Variants in FILIP1L observed in about 807,000 individuals in gnomAD.
FILIP1L encodes the protein filamin A interacting protein 1 like.
Under a neutral mutation model 96.6 loss-of-function variants are expected in FILIP1L, and 55 were observed. The observed-to-expected ratio is 0.57, with a 90% CI of 0.46 to 0.71. The LOEUF is 0.71. FILIP1L is among the 30% of genes least tolerant of loss of function. The pLI, the probability that FILIP1L is intolerant of heterozygous loss-of-function variation, is 0.00. For synonymous variants in FILIP1L, 467 were observed against 473.9 expected, an observed-to-expected ratio of 0.99 and a Z score of 0.19; for missense variants, 1,304 against 1,321.2, an observed-to-expected ratio of 0.99 and a Z score of 0.20.
chr3:100,062,958 C>T (rs2065599499), intron 1 of FILIP1L, among the ~76,000 whole-genome samples: 1 of 152,152 alleles, frequency 6.6e-6, no homozygotes, highest in Non-Finnish European at 1.5e-5. Flanking sequence ...TTTTGTTCAG[C>T]ACGAAAGGAG....
chr3:100,079,042 C>G (rs1206625576), intron 1 of FILIP1L, among the ~76,000 whole-genome samples: 1 of 152,178 alleles, frequency 6.6e-6, no homozygotes, highest in Non-Finnish European at 1.5e-5. Context: ...CTCTCTTTTC[C>G]AAATGAGGTG....
intron 1 of FILIP1L, among the ~76,000 whole-genome samples, chr3:100,003,462 T>A (rs1400502894): frequency 6.6e-6 from 1 of 152,206 alleles, no homozygotes; most frequent in Non-Finnish European, 1.5e-5. Flanking sequence ...CAAGTGACTA[T>A]GATAGATGCG....
At chr3:100,029,664 T>C (rs1576654453) in intron 1 of FILIP1L, among the ~76,000 whole-genome samples, 1 of 152,194 alleles carries the variant, frequency 6.6e-6, no homozygotes, top group African/African-American at 2.4e-5. Context: ...CCATAGAAGA[T>C]AGAATAAGAC....
chr3:100,026,288 G>GT (rs905686108), intron 1 of FILIP1L, among the ~76,000 whole-genome samples: 24 of 152,240 alleles, frequency 1.6e-4, no homozygotes, highest in African/African-American at 4.3e-4. Context: ...GCTGCCATGA[G>GT]TATATGGTAG....
At chr3:100,006,930 T>C (rs1490295136) in intron 1 of FILIP1L, among the ~76,000 whole-genome samples, 1 of 152,242 alleles carries the variant, frequency 6.6e-6, no homozygotes, top group East Asian at 1.9e-4. Context: ...AAATAACTTG[T>C]TTTAAAAAGT....
intron 1 of FILIP1L, among the ~76,000 whole-genome samples, chr3:100,037,942 T>TTC (rs1453024124): frequency 1.3e-4 from 18 of 136,416 alleles, no homozygotes; most frequent in Non-Finnish European, 4.7e-5. Context: ...CGCTTTTCTT[T>TTC]TTTTTTTTTT....
chr3:100,089,760 C>G (rs2107429185), intron 1 of FILIP1L, among the ~76,000 whole-genome samples: 1 of 152,310 alleles, frequency 6.6e-6, no homozygotes, highest in South Asian at 2.1e-4. Context: ...AAAGAAGACA[C>G]CCGTGGCTAA....
intron 4 of FILIP1L, among the ~76,000 whole-genome samples, chr3:99,895,647 G>A (rs762998836): frequency 1.3e-5 from 2 of 152,132 alleles, no homozygotes; most frequent in East Asian, 1.9e-4. Flanking sequence ...AGTGCAGATC[G>A]AAATAAACAT....
chr3:100,007,986 T>A (rs1710037126), intron 1 of FILIP1L, among the ~76,000 whole-genome samples: 1 of 152,152 alleles, frequency 6.6e-6, no homozygotes, highest in South Asian at 2.1e-4. Flanking sequence ...TCCCTGGGAA[T>A]TATAGGTTAT....
intron 1 of FILIP1L, among the ~76,000 whole-genome samples, chr3:100,035,735 G>A (rs2065097090): frequency 1.3e-5 from 2 of 152,170 alleles, no homozygotes; most frequent in Non-Finnish European, 2.9e-5. Context: ...TATTGTAATA[G>A]AAAAATTCAA....
intron 1 of FILIP1L, among the ~76,000 whole-genome samples, chr3:99,997,254 C>A (rs569844753): frequency 2.0e-5 from 3 of 152,200 alleles, no homozygotes; most frequent in South Asian, 2.1e-4. Flanking sequence ...AAATAAAAAT[C>A]AGAAATGATA....
chr3:100,089,543 A>G (rs1309090677), intron 1 of FILIP1L, among the ~76,000 whole-genome samples: 1 of 152,216 alleles, frequency 6.6e-6, no homozygotes, highest in East Asian at 1.9e-4. Flanking sequence ...ATGTCAAGCA[A>G]AAAGGATAGG....
chr3:99,863,341 G>A (rs888552804), intron 4 of FILIP1L, among the ~76,000 whole-genome samples: 1 of 152,260 alleles, frequency 6.6e-6, no homozygotes, highest in East Asian at 1.9e-4. Context: ...TATGTGACCC[G>A]GTAATAGGCC....
intron 4 of FILIP1L, chr3:99,898,274 A>C (rs1706324641): frequency 6.6e-6 from 1 of 152,196 alleles, no homozygotes. Context: ...AGGTGTATGG[A>C]ATGAAAGATT....
intron 1 of FILIP1L, among the ~76,000 whole-genome samples, chr3:99,988,491 G>A (rs1205065521): frequency 3.4e-5 from 4 of 118,088 alleles, no homozygotes; most frequent in Admixed American, 2.3e-4. Flanking sequence ...CAGCCTGGGC[G>A]ACAGAGCGAG....
chr3:100,085,237 A>T (rs2065989598), intron 1 of FILIP1L, among the ~76,000 whole-genome samples: 1 of 152,228 alleles, frequency 6.6e-6, no homozygotes, highest in Admixed American at 6.5e-5. Flanking sequence ...AGAAGAGAAC[A>T]TTAATATTTT....
intron 1 of FILIP1L, among the ~76,000 whole-genome samples, chr3:99,977,626 G>A (rs529021695): frequency 6.6e-6 from 1 of 152,188 alleles, no homozygotes; most frequent in Non-Finnish European, 1.5e-5. Flanking sequence ...GATTTTTTTA[G>A]TATACAGGCC....
At chr3:100,083,240 C>CT (rs1276095573) in intron 1 of FILIP1L, among the ~76,000 whole-genome samples, 6 of 152,204 alleles carry the variant, frequency 3.9e-5, no homozygotes, top group Non-Finnish European at 1.5e-5. Flanking sequence ...AATAGTTTTA[C>CT]TTTATCTTGG....
At position 100,107,898 on chromosome 3, in the gene FILIP1L, T is replaced by A. The variant is rs559350913; in HGVS notation, c.-11+6155A>T. ...GAATTAAAAAAAAAAAAAAAAAAGT[T>A]ACTTGCTTAGGGCCAGAGAATCTCA... On this transcript the variant is annotated intron_variant, in intron 1 of 5. Transcript: ENST00000477258. Among the ~76,000 whole-genome samples the A allele has an allele frequency of 6.0e-5, 9 of 151,024 alleles. No homozygotes were observed. In the East Asian group the frequency reaches 1.5e-3, roughly 26 times the overall value.
Sources: allele counts gnomAD v4.1 joint callset (sites outside exome capture counted in the v4.1 genomes callset), GRCh38; gene constraint gnomAD v4.1.1; transcripts MANE v1.5; gene names NCBI Gene and HGNC (gene_info 2026-07-23, HGNC 2026-07-21).